The following SP3 variants were observed in gnomAD, a reference collection of about 807,000 sequenced individuals.
SP3 encodes the protein transcription factor Sp3.
SP3 carries 10 observed loss-of-function variants against 70.3 expected under a neutral mutation model. The observed-to-expected ratio is 0.14, with a 90% CI of 0.09 to 0.24. The LOEUF (loss-of-function observed/expected upper bound fraction) is 0.24. SP3 is among the 10% of genes least tolerant of loss of function. The pLI is 1.00. For missense variants in SP3, 825 were observed against 914.6 expected (o/e 0.90, Z 1.26); for synonymous variants, 402 against 333.5 (o/e 1.21, Z -2.24).
intron 4 of SP3, among the ~76,000 whole-genome samples, chr2:173,953,967 G>A (rs1012268626): frequency 3.9e-5 from 6 of 152,100 alleles, no homozygotes; most frequent in Non-Finnish European, 2.9e-5. Context: ...AAGAAAAAAG[G>A]TAATCTTTAA....
At chr2:173,959,716 C>T (rs1325590763) in intron 3 of SP3, among the ~76,000 whole-genome samples, 3 of 151,838 alleles carry the variant, frequency 2.0e-5, no homozygotes, top group Non-Finnish European at 4.4e-5. Flanking sequence ...ATTCCGCCAC[C>T]GCACTCCAGC....
intron 4 of SP3, among the ~76,000 whole-genome samples, chr2:173,923,946 T>C (rs1434324390): frequency 6.6e-6 from 1 of 152,092 alleles, no homozygotes; most frequent in East Asian, 1.9e-4. Flanking sequence ...ACCAAGTTTT[T>C]TTTCAACTTT....
intron 4 of SP3, among the ~76,000 whole-genome samples, chr2:173,940,224 C>T (rs1690330672): frequency 6.6e-6 from 1 of 152,096 alleles, no homozygotes. Context: ...CTTTTTGGCA[C>T]CAGGGACCAG....
intron 4 of SP3, among the ~76,000 whole-genome samples, chr2:173,932,548 T>C (rs1690095593): frequency 6.6e-6 from 1 of 152,064 alleles, no homozygotes; most frequent in Non-Finnish European, 1.5e-5. Flanking sequence ...AGGAGAAAGA[T>C]GAGGAAACGG....
In SP3 at chr2:173,907,427, T is replaced by C. The variant is rs1689360338; in HGVS notation, c.*2514A>G. Reference sequence around the variant, plus strand: ...ATAAAAATAGAAATATTTAAAATTATCTACACTGAGGTTACATAACTTTGG... The same window carrying C: ...ATAAAAATAGAAATATTTAAAATTACCTACACTGAGGTTACATAACTTTGG... On this transcript the variant is annotated 3_prime_UTR_variant, in exon 7 of 7. Transcript: ENST00000310015. The C allele has an allele frequency of 6.6e-6, 1 of 152,278 alleles. No homozygotes were observed. The highest frequency in any genetic ancestry group is 6.5e-5 in the Admixed American group (1 of 15,302). The allele number at this position is 152,278 out of a possible 1,614,324, so 9.4% of individuals were successfully genotyped here.
chr2:173,920,119 C>G (rs1404097336), intron 4 of SP3, among the ~76,000 whole-genome samples: 5 of 151,986 alleles, frequency 3.3e-5, no homozygotes, highest in African/African-American at 1.2e-4. Flanking sequence ...CCTTTATATA[C>G]AGGGAATGGG....
At chr2:173,948,237 C>A (rs904511935) in intron 4 of SP3, among the ~76,000 whole-genome samples, 1 of 152,172 alleles carries the variant, frequency 6.6e-6, no homozygotes. Flanking sequence ...GTTTTGCTTT[C>A]CACAATGGTT....
At chr2:173,912,454 C>T (rs891271241) in intron 6 of SP3, among the ~76,000 whole-genome samples, 1 of 152,190 alleles carries the variant, frequency 6.6e-6, no homozygotes, top group African/African-American at 2.4e-5. Flanking sequence ...GACTGATGAA[C>T]ACTTTAATCA....
chr2:173,918,013 G>T (rs1161462596), intron 5 of SP3, among the ~76,000 whole-genome samples: 1 of 148,888 alleles, frequency 6.7e-6, no homozygotes, highest in East Asian at 2.0e-4. Flanking sequence ...AAAAAAATAT[G>T]ATCTGAGTCT....
At chr2:173,925,130 C>T (rs550188026) in intron 4 of SP3, among the ~76,000 whole-genome samples, 7 of 152,290 alleles carry the variant, frequency 4.6e-5, no homozygotes, top group African/African-American at 1.7e-4. Context: ...TCAGGTGATC[C>T]GCCCACCTTG....
chr2:173,963,460 G>A (rs993406091), intron 3 of SP3: 1 of 152,922 alleles, frequency 6.5e-6, no homozygotes, highest in African/African-American at 2.4e-5. Flanking sequence ...AAGCGAAGGA[G>A]TTTTCAGCAC....
intron 3 of SP3, 45 bp downstream of exon 3, chr2:173,963,716 G>T: frequency 1.3e-6 from 1 of 799,052 alleles, no homozygotes; most frequent in Non-Finnish European, 1.5e-6. Context: ...GTCCGGGATG[G>T]CGGGCGCCCG....
chr2:173,954,813 A>T, intron 4 of SP3, 60 bp downstream of exon 4: 3 of 1,503,088 alleles, frequency 2.0e-6, no homozygotes, highest in South Asian at 1.3e-5. Flanking sequence ...TAAAGCAAAA[A>T]ATTTCCCTCT....
chr2:173,954,069 C>T (rs1690802249), intron 4 of SP3, among the ~76,000 whole-genome samples: 1 of 152,146 alleles, frequency 6.6e-6, no homozygotes, highest in African/African-American at 2.4e-5. Flanking sequence ...GTTAGTAGTA[C>T]AATCTCCACA....
Position 173,955,869 on chromosome 2 carries a change from G to T in SP3, c.643C>A (p.Leu215Ile), listed in dbSNP as rs1420448661. The change falls in exon 4 of 7, where the codon CTT (leucine) becomes ATT (isoleucine). Residue 215 changes from leucine (L) to isoleucine (I), a missense_variant. Transcript: ENST00000310015. ...TTAGCAGAAGGTGTTCCAGAGGCAAGTAAGGTTTGATTAGAGCCAGGAATG... is the reference window on the plus strand; with the variant it reads ...TTAGCAGAAGGTGTTCCAGAGGCAATTAAGGTTTGATTAGAGCCAGGAATG... Reference protein sequence around the residue: ...QIIPGSNQTLLASGTPSANIQ... With the variant: ...QIIPGSNQTLIASGTPSANIQ... 6.2e-7 allele frequency: 1 copy of T among 1,614,244 alleles called. No individual in the cohort carries two copies. Among genetic ancestry groups the T allele is most frequent in the East Asian group, 2.2e-5 (1 of 44,894 alleles).
At position 173,905,517 on chromosome 2, in the gene SP3, C is replaced by T. The variant is rs1689288497; in HGVS notation, c.*4424G>A. ...GGGAAAAGGACTGAAGGAGATAGGC[C>T]TTCTCAGGATATCATTCTTAACATC... On this transcript the variant is annotated 3_prime_UTR_variant, in exon 7 of 7. Coordinates refer to ENST00000310015, the MANE Select transcript of SP3 (RefSeq NM_003111.5). 1.3e-5 allele frequency among the ~76,000 whole-genome samples: 2 copies of T among 152,020 alleles called. No homozygotes were observed. Among genetic ancestry groups the T allele is most frequent in the Non-Finnish European group, 2.9e-5 (2 of 68,024 alleles).
chr2:173,944,144 G>C (rs924457687), intron 4 of SP3, among the ~76,000 whole-genome samples: 1 of 152,256 alleles, frequency 6.6e-6, no homozygotes, highest in African/African-American at 2.4e-5. Flanking sequence ...ATCAATGACT[G>C]ACTAACCTAG....
At chr2:173,963,171 T>C (rs1156537000) in intron 3 of SP3, 1 of 150,880 alleles carries the variant, frequency 6.6e-6, no homozygotes, top group Non-Finnish European at 1.5e-5. Context: ...TTACCCCCCT[T>C]ACAAAAAAAA....
intron 4 of SP3, among the ~76,000 whole-genome samples, chr2:173,933,275 A>C (rs1043984169): frequency 2.6e-5 from 4 of 152,112 alleles, no homozygotes; most frequent in South Asian, 2.1e-4. Context: ...CTAAAACTTG[A>C]AAATTCAATT....
Sources: allele counts gnomAD v4.1 joint callset (sites outside exome capture counted in the v4.1 genomes callset), GRCh38; gene constraint gnomAD v4.1.1; transcripts MANE v1.5; gene names NCBI Gene and HGNC (gene_info 2026-07-23, HGNC 2026-07-21).